Variants in VPS50 observed in about 807,000 individuals in gnomAD.
VPS50 encodes syndetin.
A neutral mutation model predicts 139.7 loss-of-function variants in VPS50; 70 were observed. The ratio of observed to expected loss-of-function variants is 0.50; its 90% confidence interval spans 0.41 to 0.61. The LOEUF (loss-of-function observed/expected upper bound fraction) is 0.61, where lower values mean the gene tolerates loss of function less well. Ranked by LOEUF, VPS50 falls within the 20% of genes least tolerant of loss-of-function variation. VPS50 has a pLI of 0.00. For missense variants in VPS50, 921 were observed against 1,133.7 expected (o/e 0.81, Z 2.69); for synonymous variants, 365 against 376.7 (o/e 0.97, Z 0.36).
rs1196063017 is a variant in VPS50, at chr7:93,330,921, A to AACTAATAAG, written c.1978-3195_1978-3187dup. ...AAGGAATCCACAAATAAGCTTCTAGAACTAATAAGTACATTTAGCAAACTC... is the reference window on the plus strand; with the variant it reads ...AAGGAATCCACAAATAAGCTTCTAGAACTAATAAGACTAATAAGTACATTTAGCAAACTC... On this transcript the variant is annotated intron_variant, in intron 21 of 27. Transcript: ENST00000305866. 2.0e-5 allele frequency among the ~76,000 whole-genome samples: 3 copies of AACTAATAAG among 152,108 alleles called. No homozygotes were observed. The East Asian group carries it at 5.8e-4, about 29-fold the overall frequency.
At chr7:93,274,888 G>A (rs1796109045) in intron 11 of VPS50, among the ~76,000 whole-genome samples, 1 of 152,090 alleles carries the variant, frequency 6.6e-6, no homozygotes, top group Non-Finnish European at 1.5e-5. Flanking sequence ...ACCATTCTAG[G>A]TGCCATTAAG....
At chr7:93,357,787 T>C (rs1798747362) in intron 27 of VPS50, among the ~76,000 whole-genome samples, 1 of 152,154 alleles carries the variant, frequency 6.6e-6, no homozygotes, top group Non-Finnish European at 1.5e-5. Context: ...TTGCGAAAGA[T>C]ACTCGTAGTC....
intron 21 of VPS50, among the ~76,000 whole-genome samples, chr7:93,328,784 C>T (rs1797855743): frequency 6.6e-6 from 1 of 152,032 alleles, no homozygotes. Context: ...ACTGGAAACA[C>T]TGAAAATAGT....
At chr7:93,293,396 T>G (rs1183713821) in intron 13 of VPS50, among the ~76,000 whole-genome samples, 1 of 152,178 alleles carries the variant, frequency 6.6e-6, no homozygotes, top group Non-Finnish European at 1.5e-5. Context: ...GCCAATAGTT[T>G]ACATTCGTTG....
intron 22 of VPS50, among the ~76,000 whole-genome samples, chr7:93,334,834 G>A (rs1798029949): frequency 6.6e-6 from 1 of 152,202 alleles, no homozygotes; most frequent in African/African-American, 2.4e-5. Flanking sequence ...CATTTAAAAT[G>A]AGAAAATCTT....
chr7:93,283,710 T>G (rs1356661746), intron 12 of VPS50, among the ~76,000 whole-genome samples: 1 of 152,068 alleles, frequency 6.6e-6, no homozygotes, highest in Non-Finnish European at 1.5e-5. Context: ...AAATATCTCT[T>G]TAAGGTTTGC....
intron 16 of VPS50, 76 bp downstream of exon 16, chr7:93,297,319 C>A: frequency 2.3e-6 from 3 of 1,295,120 alleles, no homozygotes; most frequent in South Asian, 2.3e-5. Flanking sequence ...AATCTTATAG[C>A]ATTAATTGAT....
chr7:93,260,735 G>A (rs749271240), intron 9 of VPS50, among the ~76,000 whole-genome samples: 14 of 151,672 alleles, frequency 9.2e-5, no homozygotes, highest in South Asian at 2.1e-4. Flanking sequence ...TCACTCTGTC[G>A]CCCAGGCTGG....
At chr7:93,271,119 A>C in intron 9 of VPS50, 101 bp from the exon 10 acceptor site, 3 of 1,470,336 alleles carry the variant, frequency 2.0e-6, no homozygotes, top group Non-Finnish European at 9.0e-7. Flanking sequence ...CTATACTCTT[A>C]ATCTTTGAAT....
At chr7:93,249,655 T>A (rs965845020) in intron 2 of VPS50, among the ~76,000 whole-genome samples, 1 of 152,156 alleles carries the variant, frequency 6.6e-6, no homozygotes, top group African/African-American at 2.4e-5. Flanking sequence ...CTCATGTTGC[T>A]GCAGACTGCA....
chr7:93,261,092 G>A (rs1005298179), intron 9 of VPS50, among the ~76,000 whole-genome samples: 9 of 152,170 alleles, frequency 5.9e-5, no homozygotes, highest in African/African-American at 2.2e-4. Context: ...ATTAGTTTTA[G>A]TGTGTTGAAT....
chr7:93,330,432 C>T (rs187235475), intron 21 of VPS50, among the ~76,000 whole-genome samples: 57 of 151,986 alleles, frequency 3.8e-4, no homozygotes, highest in Admixed American at 2.0e-3. Context: ...ACAAAGTCCA[C>T]ACTAAAAAAC....
At chr7:93,269,646 CTG>C (rs1441766380) in intron 9 of VPS50, among the ~76,000 whole-genome samples, 1 of 152,040 alleles carries the variant, frequency 6.6e-6, no homozygotes, top group Non-Finnish European at 1.5e-5. Flanking sequence ...GGTATTATCT[CTG>C]TAGCTTGCCT....
chr7:93,269,541 A>G (rs903253500), intron 9 of VPS50, among the ~76,000 whole-genome samples: 4 of 152,086 alleles, frequency 2.6e-5, no homozygotes, highest in African/African-American at 4.8e-5. Flanking sequence ...ATGTTTGGAC[A>G]TTTATCATTG....
chr7:93,268,231 G>A lies in VPS50; in HGVS notation c.660-2989G>A, dbSNP rs538053815. Reference sequence around the variant, plus strand: ...TGTTTCTGACAGCTTTTTGAAGGATGTTGTACAATGTTTGGTTGATGGTGT... The same window carrying A: ...TGTTTCTGACAGCTTTTTGAAGGATATTGTACAATGTTTGGTTGATGGTGT... On this transcript the variant is annotated intron_variant, in intron 9 of 27. Coordinates refer to ENST00000305866, the MANE Select transcript of VPS50 (RefSeq NM_017667.4). 3.9e-5 allele frequency among the ~76,000 whole-genome samples: 6 copies of A among 152,270 alleles called. No individual in the cohort carries two copies. The East Asian group carries it at 1.2e-3, about 29-fold the overall frequency.
At chr7:93,314,613 C>T (rs1307037645) in intron 20 of VPS50, among the ~76,000 whole-genome samples, 2 of 152,062 alleles carry the variant, frequency 1.3e-5, no homozygotes, top group African/African-American at 4.8e-5. Flanking sequence ...GCTAGATTAC[C>T]GAAGTCCATG....
At chr7:93,241,661 G>A (rs929967879) in intron 2 of VPS50, among the ~76,000 whole-genome samples, 20 of 151,974 alleles carry the variant, frequency 1.3e-4, no homozygotes, top group African/African-American at 4.6e-4. Context: ...GCTGGGTCCA[G>A]AGAGTGGCAA....
intron 16 of VPS50, among the ~76,000 whole-genome samples, chr7:93,302,862 T>C (rs550806507): frequency 6.6e-6 from 1 of 152,184 alleles, no homozygotes; most frequent in Admixed American, 6.5e-5. Flanking sequence ...GTAAGAATAA[T>C]AGCATTAAAG....
At chr7:93,268,609 G>A (rs775128915) in intron 9 of VPS50, among the ~76,000 whole-genome samples, 17 of 152,142 alleles carry the variant, frequency 1.1e-4, no homozygotes, top group Middle Eastern at 3.4e-3. Flanking sequence ...TAGTTTGCTG[G>A]AGATAATGGC....
Sources: gnomAD v4.1 joint callset for allele counts (sites outside exome capture counted in the v4.1 genomes callset) on GRCh38, gnomAD v4.1.1 for gene constraint, MANE v1.5 for transcripts, NCBI Gene and HGNC (gene_info 2026-07-23, HGNC 2026-07-21) for gene names.